The following DENND2B variants were observed in gnomAD, a reference collection of about 807,000 sequenced individuals.
DENND2B encodes the protein DENN domain-containing protein 2B.
In DENND2B, 32 loss-of-function variants were observed where a neutral mutation model predicts 116.0. The ratio of observed to expected loss-of-function variants is 0.28; its 90% CI spans 0.21 to 0.37. DENND2B has a LOEUF of 0.37. DENND2B is among the 10% of genes least tolerant of loss of function. The probability of loss-of-function intolerance (pLI) is 1.00; values close to 1 mark genes in which losing one functional copy is unlikely to be tolerated. For missense variants in DENND2B, 1,276 were observed against 1,477.7 expected (o/e 0.86, Z 2.24); for synonymous variants, 588 against 583.9 (o/e 1.01, Z -0.10).
At chr11:8,727,900 G>GTTTT (rs35687800) in intron 3 of DENND2B, among the ~76,000 whole-genome samples, 1 of 121,650 alleles carries the variant, frequency 8.2e-6, no homozygotes, top group Non-Finnish European at 1.7e-5. Flanking sequence ...TTCTCCCCAG[G>GTTTT]TTTTTTTTTT....
chr11:8,885,164 A>ATGC (rs2063946794), intron 1 of DENND2B, among the ~76,000 whole-genome samples: 1 of 152,218 alleles, frequency 6.6e-6, no homozygotes, highest in African/African-American at 2.4e-5. Flanking sequence ...GGTCACAGAT[A>ATGC]TGCTACCAAT....
intron 16 of DENND2B, 21 bp downstream of exon 16, chr11:8,698,912 A>G (rs771979984): frequency 6.2e-7 from 1 of 1,614,088 alleles, no homozygotes; most frequent in South Asian, 1.1e-5. Flanking sequence ...GCCCAACTCT[A>G]GCAAGCACCC....
chr11:8,766,675 C>A, intron 1 of DENND2B: 15 of 1,289,226 alleles, frequency 1.2e-5, no homozygotes, highest in Non-Finnish European at 1.5e-5. Flanking sequence ...AGCTATGCGC[C>A]CCACCTCCAT....
At chr11:8,897,832 C>T (rs2064121329) in intron 1 of DENND2B, among the ~76,000 whole-genome samples, 1 of 152,162 alleles carries the variant, frequency 6.6e-6, no homozygotes, top group South Asian at 2.1e-4. Context: ...GTTGCTCAGG[C>T]TGGAGCACAG....
At chr11:8,864,046 C>T (rs922147246) in intron 2 of DENND2B, among the ~76,000 whole-genome samples, 3 of 151,986 alleles carry the variant, frequency 2.0e-5, no homozygotes, top group African/African-American at 4.8e-5. Context: ...CTAGAGTTCC[C>T]GGCAACAGTA....
At chr11:8,881,804 C>T (rs1056038100) in intron 1 of DENND2B, among the ~76,000 whole-genome samples, 2 of 152,200 alleles carry the variant, frequency 1.3e-5, no homozygotes, top group African/African-American at 4.8e-5. Context: ...CTCAGCCTCC[C>T]AAAGCGCTGG....
intron 2 of DENND2B, among the ~76,000 whole-genome samples, chr11:8,737,263 C>CTGGGACGTTCCAGTGTGT (rs2049221317): frequency 6.6e-6 from 1 of 152,174 alleles, no homozygotes; most frequent in East Asian, 1.9e-4. Context: ...AGTCCAAGTG[C>CTGGGACGTTCCAGTGTGT]TGGGACGTTC....
At chr11:8,835,859 C>T (rs909188883) in intron 4 of DENND2B, 14 of 152,178 alleles carry the variant, frequency 9.2e-5, no homozygotes, top group Non-Finnish European at 1.6e-4. Flanking sequence ...GCAAGGAACA[C>T]GTCTACAGAG....
chr11:8,695,264 T>G (rs2040156641), intron 19 of DENND2B, among the ~76,000 whole-genome samples, 199 bp downstream of exon 19: 1 of 152,170 alleles, frequency 6.6e-6, no homozygotes, highest in Non-Finnish European at 1.5e-5. Flanking sequence ...CCACAGATAT[T>G]GAAGGACCAC....
At chr11:8,695,933 G>A (rs1027945445) in intron 18 of DENND2B, 17 of 256,948 alleles carry the variant, frequency 6.6e-5, no homozygotes, top group Admixed American at 1.0e-4. Context: ...TAACCCTGAG[G>A]TTAGACAGAA....
chr11:8,863,055 T>C (rs1351650691), intron 2 of DENND2B, among the ~76,000 whole-genome samples: 1 of 152,002 alleles, frequency 6.6e-6, no homozygotes, highest in African/African-American at 2.4e-5. Flanking sequence ...AAATGGTCCA[T>C]CTTTAAACCT....
At chr11:8,821,587 A>G (rs1193793300) in intron 4 of DENND2B, among the ~76,000 whole-genome samples, 1 of 152,196 alleles carries the variant, frequency 6.6e-6, no homozygotes, top group Non-Finnish European at 1.5e-5. Context: ...TCAAAAAAAA[A>G]AAGAACTAAC....
At chr11:8,829,783 C>A (rs1464571524) in intron 4 of DENND2B, among the ~76,000 whole-genome samples, 1 of 152,130 alleles carries the variant, frequency 6.6e-6, no homozygotes, top group African/African-American at 2.4e-5. Context: ...ACAGTCGCTT[C>A]CCCTTTCGTC....
rs755440319 is a variant in DENND2B, at chr11:8,853,055, G to C, written c.-156+4288C>G. 5.3e-5 allele frequency among the ~76,000 whole-genome samples: 8 copies of C among 152,306 alleles called. No homozygotes were observed. The East Asian group carries it at 5.8e-4, about 11-fold the overall frequency. ...ACCAGGGCTCTGTCCTCATAAGCAA[G>C]ATTGCTGTCTTTATGAAAGAAGCTT... is the stretch of plus-strand genomic sequence containing the variant. On this transcript the variant is annotated intron_variant, in intron 3 of 6. Transcript: ENST00000524757.
Position 8,701,524 on chromosome 11 carries a change from C to T in DENND2B, c.2720+1048G>A, listed in dbSNP as rs188048565. Among the ~76,000 whole-genome samples the T allele has an allele frequency of 3.0e-3, 449 of 152,182 alleles. 2 individuals carry two copies. Among genetic ancestry groups the T allele is most frequent in the Non-Finnish European group, 4.6e-3 (310 of 68,002 alleles). On this transcript the variant is annotated intron_variant, in intron 14 of 19. Coordinates refer to ENST00000313726, the MANE Select transcript of DENND2B (RefSeq NM_213618.2). The stretch of plus-strand genomic sequence containing the variant: ...TCTCCCTCTGTCTCTGTACTTTCTT[C>T]TTTCTGCCTTTCTCCTTCCCTTCTT...
Position 8,836,048 on chromosome 11 carries a change from A to C in DENND2B, c.-115+3262T>G, listed in dbSNP as rs552127728. Among the ~76,000 whole-genome samples, 8 of 152,166 alleles carry C rather than the reference A, an allele frequency of 5.3e-5. No homozygotes were observed. The East Asian group carries it at 1.5e-3, about 29-fold the overall frequency. The stretch of plus-strand genomic sequence containing the variant: ...GGAGTTAGGGCTTATGGAATACATA[A>C]AAACATGGTGAATATAGGGCCGGGG... On this transcript the variant is annotated intron_variant, in intron 4 of 6. Transcript: ENST00000524757.
At chr11:8,835,063 T>C (rs2062365602) in intron 4 of DENND2B, among the ~76,000 whole-genome samples, 2 of 152,152 alleles carry the variant, frequency 1.3e-5, no homozygotes, top group South Asian at 2.1e-4. Flanking sequence ...CTGGGCAACA[T>C]GGCAAAACCT....
At chr11:8,841,416 A>T (rs2062620346) in intron 3 of DENND2B, among the ~76,000 whole-genome samples, 1 of 152,192 alleles carries the variant, frequency 6.6e-6, no homozygotes, top group African/African-American at 2.4e-5. Flanking sequence ...AGCTTGGAGG[A>T]TCGCTTGAGC....
Position 8,696,602 on chromosome 11 carries a change from C to T in DENND2B, c.3117G>A (p.Gly1039=), listed in dbSNP as rs750116478. ...VFIRFFVETV[G]HYSLFLTQSE... ...TCTGTGTCAGAAAGAGGGAGTAGTG[C>T]CCAACGGTCTCCACAAAGAACCGGA... The change falls in exon 18 of 20, where the codon GGG becomes GGA. Residue 1039 remains glycine (G), a synonymous_variant. Coordinates refer to ENST00000313726, the MANE Select transcript of DENND2B (RefSeq NM_213618.2). 6 of 1,614,054 alleles carry T rather than the reference C, an allele frequency of 3.7e-6. No individual in the cohort carries two copies. Among genetic ancestry groups the T allele is most frequent in the Middle Eastern group, 1.6e-4 (1 of 6,084 alleles).
Sources: allele counts gnomAD v4.1 joint callset (sites outside exome capture counted in the v4.1 genomes callset), GRCh38; gene constraint gnomAD v4.1.1; transcripts MANE v1.5; gene names NCBI Gene and HGNC (gene_info 2026-07-23, HGNC 2026-07-21).